Variants in TTC21B observed in about 807,000 individuals in gnomAD.
TTC21B encodes tetratricopeptide repeat domain 21B.
A neutral mutation model predicts 175.1 loss-of-function variants in TTC21B; 127 were observed. The observed-to-expected ratio is 0.73, with a 90% confidence interval of 0.63 to 0.84. TTC21B has a LOEUF of 0.84. TTC21B is among the 40% of genes least tolerant of loss of function. The probability of loss-of-function intolerance (pLI) is 0.00; values close to 1 mark genes in which losing one functional copy is unlikely to be tolerated. For synonymous variants in TTC21B, 524 were observed against 524.5 expected (o/e 1.00, Z 0.01); for missense variants, 1,561 against 1,558.3 (o/e 1.00, Z -0.03).
At chr2:165,947,047 T>C (rs897933471) in intron 3 of TTC21B, 4 of 150,642 alleles carry the variant, frequency 2.7e-5, no homozygotes, top group Non-Finnish European at 5.9e-5. Context: ...CAGCTACTGT[T>C]ATGGGTCAGT....
Position 165,890,847 on chromosome 2 carries a change from A to G in TTC21B, c.3092T>C (p.Leu1031Pro). Residue 1031 changes from leucine to proline, a missense_variant, in exon 23 of 29, where the codon CTG becomes CCG. Leu to Pro is a moderately conservative substitution (Grantham distance 98). Coordinates refer to ENST00000243344, the MANE Select transcript of TTC21B (RefSeq NM_024753.5). ...LEPGFQYCKG[L>P]YLWYTGEPND... The stretch of plus-strand genomic sequence containing the variant: ...TTGTAAATAGATTTACCAAAGATAC[A>G]GTCCTTTACAATACTGAAATCCTGG... The G allele has an allele frequency of 6.2e-7, 1 of 1,613,224 alleles. No individual in the cohort carries two copies. The highest frequency in any genetic ancestry group is 8.5e-7 in the Non-Finnish European group (1 of 1,179,464).
At chr2:165,945,423 G>C (rs1687517635) in intron 4 of TTC21B, 101 bp downstream of exon 4, 8 of 1,110,006 alleles carry the variant, frequency 7.2e-6, no homozygotes, top group Non-Finnish European at 1.1e-5. Context: ...ACTGGCAATA[G>C]AGTGAACAAT....
intron 24 of TTC21B, among the ~76,000 whole-genome samples, chr2:165,889,563 T>C (rs920500211): frequency 2.6e-5 from 4 of 152,112 alleles, no homozygotes; most frequent in African/African-American, 4.8e-5. Flanking sequence ...TAGCTTATAG[T>C]TCCATAACAG....
rs144600502 is a variant in TTC21B, at chr2:165,901,914, G to GA, written c.2569-5dup. ...CCCGAGCTTGTAATTCTCGAGCCTA[G>GA]AAAAAATCAGTATAAAAGGGAATAA... On this transcript the variant is annotated splice_polypyrimidine_tract_variant and splice_region_variant and intron_variant, in intron 19 of 28. Coordinates refer to ENST00000243344, the MANE Select transcript of TTC21B (RefSeq NM_024753.5). The GA allele has an allele frequency of 2.2e-3, 3,468 of 1,600,870 alleles. 78 individuals are homozygous for GA. In the African/African-American group the frequency reaches 0.041, roughly 19 times the overall value.
At chr2:165,931,638 T>C in intron 8 of TTC21B, 120 bp downstream of exon 8, 2 of 824,420 alleles carry the variant, frequency 2.4e-6, no homozygotes, top group Non-Finnish European at 4.1e-6. Context: ...GAGTATATCA[T>C]ATATTTAAAT....
At chr2:165,933,783 G>A (rs1430956388) in intron 6 of TTC21B, 1 of 152,106 alleles carries the variant, frequency 6.6e-6, no homozygotes, top group Non-Finnish European at 1.5e-5. Context: ...CTAGGGACTT[G>A]GACATTTTTC....
intron 27 of TTC21B, among the ~76,000 whole-genome samples, chr2:165,878,250 T>C (rs2105278055): frequency 6.6e-6 from 1 of 152,232 alleles, no homozygotes; most frequent in East Asian, 1.9e-4. Flanking sequence ...GGTACAAAAA[T>C]TTCAGAGGAA....
chr2:165,930,985 C>A (rs975061137), intron 8 of TTC21B, among the ~76,000 whole-genome samples: 2 of 151,908 alleles, frequency 1.3e-5, no homozygotes, highest in African/African-American at 2.4e-5. Flanking sequence ...AATGTTTGAA[C>A]TTATATTTTA....
rs117313126 is a variant in TTC21B, at chr2:165,879,642, C to T, written c.3805+1037G>A. On this transcript the variant is annotated intron_variant, in intron 27 of 28. Coordinates refer to ENST00000243344, the MANE Select transcript of TTC21B (RefSeq NM_024753.5). ...TAATTATACTTATAAGAAGCCAAAT[C>T]ATATTTGAGAGGTTGTTCATTTATG... The T allele has an allele frequency of 1.4e-4, 21 of 152,214 alleles. No homozygotes were observed. The East Asian group carries it at 3.7e-3, about 27-fold the overall frequency. The allele number at this position is 152,214 out of a possible 1,614,324, so 9.4% of individuals were successfully genotyped here.
chr2:165,950,713 C>T (rs550130628), intron 1 of TTC21B, among the ~76,000 whole-genome samples: 25 of 152,234 alleles, frequency 1.6e-4, no homozygotes, highest in Non-Finnish European at 2.8e-4. Flanking sequence ...TAGGTTTAAG[C>T]GATTCTCCTG....
intron 14 of TTC21B, 21 bp downstream of exon 14, chr2:165,917,235 CT>C: frequency 6.2e-7 from 1 of 1,605,298 alleles, no homozygotes; most frequent in East Asian, 2.2e-5. Flanking sequence ...CATCCGAGCC[CT>C]TAAATTAAAA....
rs1202559306 is a variant in TTC21B at position 165,929,706 on chromosome 2, C to T, written c.1129G>A (p.Ala377Thr). ...CQLIEGQLQDADQQLEFLNEI... is the reference protein window; with the variant it reads ...CQLIEGQLQDTDQQLEFLNEI... ...TTTAAAAATTCTAGCTGCTGATCTGCATCCTGTAATTGCCCTTCTATCAAC... is the reference window on the plus strand; with the variant it reads ...TTTAAAAATTCTAGCTGCTGATCTGTATCCTGTAATTGCCCTTCTATCAAC... The change falls in exon 10 of 29, where the codon GCA (alanine) becomes ACA (threonine). Residue 377 changes from alanine to threonine, a missense_variant. Ala to Thr is a moderately conservative substitution (Grantham distance 58, BLOSUM62 0). Transcript: ENST00000243344. 6 of 1,612,816 alleles carry T rather than the reference C, an allele frequency of 3.7e-6. No individual in the cohort carries two copies. In the Admixed American group the frequency reaches 1.0e-4, roughly 27 times the overall value.
intron 19 of TTC21B, 107 bp from the exon 20 acceptor site, chr2:165,902,017 T>C: frequency 2.0e-6 from 2 of 984,812 alleles, no homozygotes; most frequent in South Asian, 1.5e-5. Flanking sequence ...TTATGAACCC[T>C]TGATCTAACA....
chr2:165,946,846 T>C (rs1209337343), intron 3 of TTC21B, among the ~76,000 whole-genome samples: 2 of 152,000 alleles, frequency 1.3e-5, no homozygotes, highest in African/African-American at 4.8e-5. Context: ...TAAGGATCAC[T>C]GTAATGCACA....
At chr2:165,886,737 G>C (rs1685009746) in intron 25 of TTC21B, among the ~76,000 whole-genome samples, 1 of 152,064 alleles carries the variant, frequency 6.6e-6, no homozygotes, top group African/African-American at 2.4e-5. Flanking sequence ...TTCACAGTAG[G>C]GATAACGGAT....
chr2:165,936,401 T>C (rs1687145532), intron 6 of TTC21B, among the ~76,000 whole-genome samples: 1 of 152,088 alleles, frequency 6.6e-6, no homozygotes, highest in Non-Finnish European at 1.5e-5. Flanking sequence ...TATGGTTTGA[T>C]GATGACATTT....
intron 12 of TTC21B, 105 bp from the exon 13 acceptor site, chr2:165,919,538 T>A (rs1686310753): frequency 7.6e-7 from 1 of 1,307,326 alleles, no homozygotes. Context: ...CCCTAGTGTT[T>A]GTAAACTTAA....
Position 165,919,367 on chromosome 2 carries a change from G to C in TTC21B, c.1583C>G (p.Ala528Gly). ...CLEHNPSYAD[A>G]HLLLAQVYLS... ...GTAAACCTGAGCTAGCAGCAGATGA[G>C]CATCAGCATAAGAGGGATTGTGTTC... The change falls in exon 13 of 29, where the codon GCT (alanine) becomes GGT (glycine). Residue 528 changes from alanine to glycine, a missense_variant. By Grantham distance (60) the Ala-to-Gly change is moderately conservative. Transcript: ENST00000243344. 6.2e-7 allele frequency: 1 copy of C among 1,613,938 alleles called. No homozygotes were observed. Among genetic ancestry groups the C allele is most frequent in the Non-Finnish European group, 8.5e-7 (1 of 1,179,858 alleles).
intron 6 of TTC21B, chr2:165,934,698 A>G (rs1687061786): frequency 6.6e-6 from 1 of 151,446 alleles, no homozygotes; most frequent in Non-Finnish European, 1.5e-5. Context: ...ACACAATAAA[A>G]GAAATGAAAA....
Sources: gnomAD v4.1 joint callset for allele counts (sites outside exome capture counted in the v4.1 genomes callset) on GRCh38, gnomAD v4.1.1 for gene constraint, MANE v1.5 for transcripts, NCBI Gene and HGNC (gene_info 2026-07-23, HGNC 2026-07-21) for gene names.